The following CEACAM16 variants were observed in gnomAD, a reference collection of about 807,000 sequenced individuals.
The protein encoded by CEACAM16 is cell adhesion molecule CEACAM16.
A neutral mutation model predicts 39.4 loss-of-function variants in CEACAM16; 30 were observed. The observed-to-expected ratio is 0.76, with a 90% CI of 0.57 to 1.03. The LOEUF (loss-of-function observed/expected upper bound fraction) is 1.03. CEACAM16 is among the 50% of genes least tolerant of loss of function. The probability of loss-of-function intolerance (pLI) is 0.00; values close to 1 mark genes in which losing one functional copy is unlikely to be tolerated. For missense variants in CEACAM16, 521 were observed against 585.3 expected, an observed-to-expected ratio of 0.89 and a Z score of 1.13; for synonymous variants, 262 against 264.9, an observed-to-expected ratio of 0.99 and a Z score of 0.11.
intron 6 of CEACAM16, 121 bp from the exon 7 acceptor site, chr19:44,710,375 T>G: frequency 9.9e-7 from 1 of 1,013,312 alleles, no homozygotes; most frequent in East Asian, 2.6e-5. Context: ...GAGCGTGGGG[T>G]GGATTGGGCC....
chr19:44,702,186 G>C (rs952860066), intron 2 of CEACAM16, among the ~76,000 whole-genome samples: 3 of 152,006 alleles, frequency 2.0e-5, no homozygotes, highest in African/African-American at 7.3e-5. Context: ...CCAGCTGCTC[G>C]GGAGGCTGAG....
rs371749875 is a variant in CEACAM16, at chr19:44,699,250, C to T, written c.-107C>T. 3 of 534,176 alleles carry T rather than the reference C, an allele frequency of 5.6e-6. No homozygotes were observed. Among genetic ancestry groups the T allele is most frequent in the East Asian group, 5.4e-5 (1 of 18,366 alleles). The allele number at this position is 534,176 out of a possible 1,614,324, so 33.1% of individuals were successfully genotyped here. A position where few individuals can be genotyped will look rare whatever the true frequency, so the allele number is the denominator to read the frequency against. On this transcript the variant is annotated 5_prime_UTR_variant, in exon 1 of 7. Transcript: ENST00000587331. ...AGTGATTTACTGAGCATTTACTCTG[C>T]GCCAGTCGTGGTAAGTACTGTACTT... is the stretch of plus-strand genomic sequence containing the variant.
chr19:44,704,275 C>A lies in CEACAM16; in HGVS notation c.640C>A (p.Pro214Thr). The change falls in exon 4 of 7, where the codon CCC becomes ACC. Residue 214 changes from proline to threonine, a missense_variant. Physicochemically the swap from Pro to Thr is conservative, Grantham distance 38. Transcript: ENST00000587331. ...CCCGGTCAGTGTCAGCCGCAGCGAGCCCATCAACCTGACCGTGTACTGTGA... is the reference window on the plus strand; with the variant it reads ...CCCGGTCAGTGTCAGCCGCAGCGAGACCATCAACCTGACCGTGTACTGTGA... ...WNPVSVSRSE[P>T]INLTVYFGPE... The A allele has an allele frequency of 1.3e-6, 2 of 1,522,824 alleles. No homozygotes were observed. Among genetic ancestry groups the A allele is most frequent in the South Asian group, 1.2e-5 (1 of 82,046 alleles). 94.3% of individuals were successfully genotyped at this position (1,522,824 alleles called of 1,614,324 possible). A position where few individuals can be genotyped will look rare whatever the true frequency, so the allele number is the denominator to read the frequency against.
At position 44,701,481 on chromosome 19, in the gene CEACAM16, C is replaced by T. The variant is rs2122187348; in HGVS notation, c.25C>T (p.Leu9=). 6.4e-7 allele frequency: 1 copy of T among 1,566,180 alleles called. No individual in the cohort carries two copies. Among genetic ancestry groups the T allele is most frequent in the South Asian group, 1.2e-5 (1 of 85,030 alleles). The change falls in exon 2 of 7, where the codon CTG becomes TTG. Residue 9 remains leucine (L), a synonymous_variant. Coordinates refer to ENST00000587331, the MANE Select transcript of CEACAM16 (RefSeq NM_001039213.4). This position sits in a 1 kb window ranked among gnomAD's most constrained non-coding sequence, Gnocchi z 4.0. MALTGYSW[L]LLSATFLNVG... ...GATGGCGCTGACTGGGTACAGCTGG[C>T]TGCTCCTCAGTGGTGAGCGAGAATG... is the stretch of plus-strand genomic sequence containing the variant.
Position 44,699,266 on chromosome 19 carries a change from T to C in CEACAM16, c.-97+6T>C, listed in dbSNP as rs1209539331. 2 of 534,442 alleles carry C rather than the reference T, an allele frequency of 3.7e-6. No homozygotes were observed. Among genetic ancestry groups the C allele is most frequent in the East Asian group, 5.4e-5 (1 of 18,360 alleles). 33.1% of individuals were successfully genotyped at this position (534,442 alleles called of 1,614,324 possible). The stretch of plus-strand genomic sequence containing the variant: ...TTTACTCTGCGCCAGTCGTGGTAAG[T>C]ACTGTACTTCACATGTGTATCTACT... On this transcript the variant is annotated splice_donor_region_variant and intron_variant, in intron 1 of 6. Coordinates refer to ENST00000587331, the MANE Select transcript of CEACAM16 (RefSeq NM_001039213.4).
intron 6 of CEACAM16, among the ~76,000 whole-genome samples, chr19:44,709,603 T>C (rs1974506619): frequency 6.8e-6 from 1 of 146,810 alleles, no homozygotes; most frequent in African/African-American, 2.5e-5. Context: ...GCATGGTCCA[T>C]GTCTCCTCCA....
At chr19:44,707,588 C>A (rs1402632152) in intron 5 of CEACAM16, among the ~76,000 whole-genome samples, 2 of 152,200 alleles carry the variant, frequency 1.3e-5, no homozygotes, top group Admixed American at 1.3e-4. Flanking sequence ...GGAGACATGA[C>A]CCAAGCCTCT....
In CEACAM16 at chr19:44,710,674, A is replaced by C; in HGVS notation, c.*168A>C. The C allele has an allele frequency of 1.1e-6, 1 of 922,970 alleles. No individual in the cohort carries two copies. The allele number at this position is 922,970 out of a possible 1,614,324, so 57.2% of individuals were successfully genotyped here. A position where few individuals can be genotyped will look rare whatever the true frequency, so the allele number is the denominator to read the frequency against. ...GCCACAGGGCCCCACTCCCTCGCTG[A>C]GCTGTTGGGGAGCCACCGAGGCCAT... On this transcript the variant is annotated 3_prime_UTR_variant, in exon 7 of 7. Transcript: ENST00000587331.
In CEACAM16 at chr19:44,710,480, C is replaced by T. The variant is rs62120572; in HGVS notation, c.1268-16C>T. ...CTGACATCCTCCTTCGCCCCCTCGC[C>T]CCATATGCCCCACAGCCCTGGGGTA... On this transcript the variant is annotated splice_polypyrimidine_tract_variant and intron_variant, in intron 6 of 6. Transcript: ENST00000587331. The T allele has an allele frequency of 0.046, 73,656 of 1,611,444 alleles. 1,854 individuals carry two copies. The highest frequency in any genetic ancestry group is 0.07 in the South Asian group (6,351 of 90,844).
At position 44,699,972 on chromosome 19, in the gene CEACAM16, T is replaced by C. The variant is rs567459172; in HGVS notation, c.-97+712T>C. Among the ~76,000 whole-genome samples, 21 of 151,732 alleles carry C rather than the reference T, an allele frequency of 1.4e-4. No homozygotes were observed. The South Asian group carries it at 4.2e-3, about 30-fold the overall frequency. On this transcript the variant is annotated intron_variant, in intron 1 of 6. Coordinates refer to ENST00000587331, the MANE Select transcript of CEACAM16 (RefSeq NM_001039213.4). ...TCCCTAGTAGCTGGGATTACAGGCATGTGCCACCATGACCGGCTAACTTTT... is the reference window on the plus strand; with the variant it reads ...TCCCTAGTAGCTGGGATTACAGGCACGTGCCACCATGACCGGCTAACTTTT...
At position 44,705,808 on chromosome 19, in the gene CEACAM16, A is replaced by G. The variant is rs879394451; in HGVS notation, c.880A>G (p.Ile294Val). The G allele has an allele frequency of 5.6e-6, 9 of 1,613,844 alleles. No individual in the cohort carries two copies. Among genetic ancestry groups the G allele is most frequent in the Non-Finnish European group, 7.6e-6 (9 of 1,179,884 alleles). Residue 294 changes from isoleucine (I) to valine (V), a missense_variant, in exon 5 of 7, where the codon ATT (isoleucine) becomes GTT (valine). Coordinates refer to ENST00000587331, the MANE Select transcript of CEACAM16 (RefSeq NM_001039213.4). Reference protein sequence around the residue: ...TAAQEGTYTCIAKNTKTLLSG... With the variant: ...TAAQEGTYTCVAKNTKTLLSG... ...CGCCCAGGAGGGGACGTACACATGTATTGCGAAGAACACCAAGACCCTGCT... is the reference window on the plus strand; with the variant it reads ...CGCCCAGGAGGGGACGTACACATGTGTTGCGAAGAACACCAAGACCCTGCT...
intron 1 of CEACAM16, among the ~76,000 whole-genome samples, chr19:44,699,891 T>C (rs1974317430): frequency 1.3e-5 from 2 of 152,156 alleles, no homozygotes; most frequent in African/African-American, 4.8e-5. Flanking sequence ...AGTGGCAGGA[T>C]CTCGGCTCAC....
Position 44,705,524 on chromosome 19 carries a change from C to G in CEACAM16, c.662-66C>G, listed in dbSNP as rs144010678. The G allele has an allele frequency of 4.3e-3, 6,397 of 1,498,218 alleles. 20 individuals are homozygous for G. The highest frequency in any genetic ancestry group is 5.2e-3 in the Non-Finnish European group (5,809 of 1,114,798). The allele number at this position is 1,498,218 out of a possible 1,614,324, so 92.8% of individuals were successfully genotyped here. A position where few individuals can be genotyped will look rare whatever the true frequency, so the allele number is the denominator to read the frequency against. On this transcript the variant is annotated intron_variant, in intron 4 of 6. Coordinates refer to ENST00000587331, the MANE Select transcript of CEACAM16 (RefSeq NM_001039213.4). Reference sequence around the variant, plus strand: ...GGACCTAGCTTGGTGGAGAGAAAACCAGGGGTACCAACCTCCACTCCTCCT... The same window carrying G: ...GGACCTAGCTTGGTGGAGAGAAAACGAGGGGTACCAACCTCCACTCCTCCT...
chr19:44,703,912 T>C (rs1974394662), intron 3 of CEACAM16, 106 bp from the exon 4 acceptor site: 1 of 1,316,016 alleles, frequency 7.6e-7, no homozygotes, highest in Non-Finnish European at 1.0e-6. Context: ...CGGCTGAGGG[T>C]GTGGGGGCCC....
chr19:44,710,382 G>A (rs1974518081), intron 6 of CEACAM16, 114 bp from the exon 7 acceptor site: 2 of 1,172,090 alleles, frequency 1.7e-6, no homozygotes, highest in Admixed American at 4.3e-5. Context: ...GGGTGGATTG[G>A]GCCACTGGGT....
Position 44,703,695 on chromosome 19 carries a change from T to G in CEACAM16, c.382+2T>G. The G allele has an allele frequency of 6.6e-7, 1 of 1,510,488 alleles. No individual in the cohort carries two copies. Among genetic ancestry groups the G allele is most frequent in the Middle Eastern group, 1.8e-4 (1 of 5,678 alleles). 93.6% of individuals were successfully genotyped at this position (1,510,488 alleles called of 1,614,324 possible). On this transcript the variant is annotated splice_donor_variant, in intron 3 of 6. Coordinates refer to ENST00000587331, the MANE Select transcript of CEACAM16 (RefSeq NM_001039213.4). LOFTEE classifies it high-confidence loss of function. ...GCTACGGACACGTGCAGGTCCATGG[T>G]GAGACACCCCCCAACACCCGCCTCT...
intron 2 of CEACAM16, 93 bp from the exon 3 acceptor site, chr19:44,703,256 G>C: frequency 8.7e-7 from 1 of 1,147,252 alleles, no homozygotes; most frequent in Admixed American, 2.4e-5. Context: ...ACACTGGGCT[G>C]GGGACATGCC....
rs930216872 is a variant in CEACAM16, at chr19:44,710,493, C to G, written c.1268-3C>G. 1 of 1,612,954 alleles carries G rather than the reference C, an allele frequency of 6.2e-7. No individual in the cohort carries two copies. Among genetic ancestry groups the G allele is most frequent in the South Asian group, 1.1e-5 (1 of 90,972 alleles). ...TCGCCCCCTCGCCCCATATGCCCCA[C>G]AGCCCTGGGGTAACAGCGTGACCCT... On this transcript the variant is annotated splice_region_variant and splice_polypyrimidine_tract_variant and intron_variant, in intron 6 of 6. Coordinates refer to ENST00000587331, the MANE Select transcript of CEACAM16 (RefSeq NM_001039213.4).
intron 6 of CEACAM16, among the ~76,000 whole-genome samples, chr19:44,710,068 C>T (rs545214753): frequency 5.3e-5 from 8 of 152,332 alleles, no homozygotes; most frequent in African/African-American, 1.9e-4. Flanking sequence ...CTTGCCTCCC[C>T]CAGCAGACAG....
Sources: allele counts gnomAD v4.1 joint callset (sites outside exome capture counted in the v4.1 genomes callset), GRCh38; gene constraint gnomAD v4.1.1; non-coding constraint Gnocchi (gnomAD v3.1); transcripts MANE v1.5; gene names NCBI Gene and HGNC (gene_info 2026-07-23, HGNC 2026-07-21).